The following PPP6R1 variants were observed in gnomAD, a reference collection of about 807,000 sequenced individuals.
The protein encoded by PPP6R1 is protein phosphatase 6 regulatory subunit 1.
In PPP6R1, 39 loss-of-function variants were observed where a neutral mutation model predicts 104.6. The observed-to-expected ratio is 0.37, with a 90% CI of 0.29 to 0.49. The LOEUF is 0.49. Ranked by LOEUF, PPP6R1 falls within the 20% of genes least tolerant of loss-of-function variation. PPP6R1 has a pLI of 0.98. For missense variants in PPP6R1, 1,181 were observed against 1,155.8 expected (o/e 1.02, Z -0.32); for synonymous variants, 549 against 479.0 (o/e 1.15, Z -1.91).
At chr19:55,233,484 C>G (rs2087367878) in intron 17 of PPP6R1, among the ~76,000 whole-genome samples, 1 of 152,150 alleles carries the variant, frequency 6.6e-6, no homozygotes, top group Admixed American at 6.5e-5. Flanking sequence ...TTAAAATCAT[C>G]CAGATTTGAA....
chr19:55,252,789 C>T (rs910361852), intron 1 of PPP6R1, among the ~76,000 whole-genome samples: 11 of 152,038 alleles, frequency 7.2e-5, no homozygotes, highest in African/African-American at 1.7e-4. Flanking sequence ...CTGCCTGCCT[C>T]GGCCTCCCAA....
Position 55,242,495 on chromosome 19 carries a change from C to G in PPP6R1, c.619-7G>C, listed in dbSNP as rs778060690. ...GGGATGCGTTGGAATGTTGCTGGAA[C>G]GGGGAGAGACAGGTGAGGATCCTGG... On this transcript the variant is annotated splice_region_variant and splice_polypyrimidine_tract_variant and intron_variant, in intron 5 of 23. Transcript: ENST00000412770. 2.5e-6 allele frequency: 4 copies of G among 1,609,504 alleles called. No individual in the cohort carries two copies. The highest frequency in any genetic ancestry group is 2.2e-5 in the South Asian group (2 of 90,988).
At chr19:55,256,633 G>A (rs553842877) in intron 1 of PPP6R1, among the ~76,000 whole-genome samples, 27 of 152,172 alleles carry the variant, frequency 1.8e-4, no homozygotes, top group Admixed American at 5.2e-4. Context: ...ACCACAGCAG[G>A]GCACCAGAGC....
Position 55,231,872 on chromosome 19 carries a change from G to T in PPP6R1, c.2236C>A (p.Leu746Ile). 6.7e-7 allele frequency: 1 copy of T among 1,503,422 alleles called. No homozygotes were observed. Among genetic ancestry groups the T allele is most frequent in the East Asian group, 2.4e-5 (1 of 42,550 alleles). The allele number at this position is 1,503,422 out of a possible 1,614,324, so 93.1% of individuals were successfully genotyped here. ...GTGGGGAGGCCCTGGGGCACACTGA[G>T]GGGCCCCTGTGGGGCTGGAGGCCCA... ...HTGPPAPQGP[L>I]SVPQGLPTQS... is the part of the protein sequence containing the mutation. The change falls in exon 19 of 24, where the codon CTC becomes ATC. Residue 746 changes from leucine (L) to isoleucine (I), a missense_variant. By Grantham distance (5) the Leu-to-Ile change is conservative. Transcript: ENST00000412770.
Position 55,245,712 on chromosome 19 carries a change from G to A in PPP6R1, c.228-34C>T. The A allele has an allele frequency of 1.3e-6, 2 of 1,556,704 alleles. No homozygotes were observed. Among genetic ancestry groups the A allele is most frequent in the Non-Finnish European group, 1.7e-6 (2 of 1,146,392 alleles). ...CAAGCACAGGCGGGTGGGGGCTCGG[G>A]TCGGAGGCCGGGGGCAGGGGGCGGC... On this transcript the variant is annotated intron_variant, in intron 2 of 23. Transcript: ENST00000412770. This position sits in a 1 kb window ranked among gnomAD's most constrained non-coding sequence, Gnocchi z 6.4.
At chr19:55,233,674 A>C (rs2087369575) in intron 17 of PPP6R1, among the ~76,000 whole-genome samples, 1 of 152,210 alleles carries the variant, frequency 6.6e-6, no homozygotes. Context: ...ATTTCAAGAA[A>C]ATTCCATTTA....
intron 1 of PPP6R1, among the ~76,000 whole-genome samples, chr19:55,254,539 G>A (rs1358948325): frequency 6.6e-6 from 1 of 152,042 alleles, no homozygotes; most frequent in Non-Finnish European, 1.5e-5. Context: ...CAGCTCTGCC[G>A]CCAGGGAACC....
At chr19:55,237,424 C>T (rs902951524) in intron 15 of PPP6R1, among the ~76,000 whole-genome samples, 3 of 152,128 alleles carry the variant, frequency 2.0e-5, no homozygotes, top group Non-Finnish European at 4.4e-5. Flanking sequence ...AAGATGTCTA[C>T]GGTCCGCGGC....
chr19:55,245,226 G>A lies in PPP6R1; in HGVS notation c.552+39C>T, dbSNP rs768505953. On this transcript the variant is annotated intron_variant, in intron 4 of 23. Transcript: ENST00000412770. This position sits in a 1 kb window ranked among gnomAD's most constrained non-coding sequence, Gnocchi z 6.4. ...CGAGGGATGCATCGCTGTCCACCAC[G>A]CCCAGCCCCCCACCCCCAGAGGAGC... 2.1e-5 allele frequency: 34 copies of A among 1,604,256 alleles called. No individual in the cohort carries two copies. The highest frequency in any genetic ancestry group is 1.7e-4 in the South Asian group (15 of 89,630).
chr19:55,239,103 C>T, intron 15 of PPP6R1: 1 of 394,400 alleles, frequency 2.5e-6, no homozygotes, highest in Non-Finnish European at 4.8e-6. Context: ...ACCCCTAAGG[C>T]TAGCTCCAGG....
intron 1 of PPP6R1, among the ~76,000 whole-genome samples, chr19:55,256,597 C>T (rs1023275135): frequency 1.3e-5 from 2 of 152,194 alleles, no homozygotes; most frequent in African/African-American, 4.8e-5. Flanking sequence ...ACTGCTTGAA[C>T]CCACGAGTTT....
chr19:55,251,339 G>T (rs149289736), intron 1 of PPP6R1, among the ~76,000 whole-genome samples: 114 of 152,280 alleles, frequency 7.5e-4, no homozygotes, highest in African/African-American at 2.4e-3. Context: ...ACGCTCACAA[G>T]TATTAGCTGA....
intron 1 of PPP6R1, among the ~76,000 whole-genome samples, chr19:55,257,249 T>A (rs1471661836): frequency 6.6e-6 from 1 of 152,244 alleles, no homozygotes; most frequent in African/African-American, 2.4e-5. Context: ...GAGTCCTTGC[T>A]GCATTTGCAG....
In PPP6R1 at chr19:55,240,003, C is replaced by T. The variant is rs1016389181; in HGVS notation, c.1473G>A (p.Leu491=). 42 of 1,604,486 alleles carry T rather than the reference C, an allele frequency of 2.6e-5. No homozygotes were observed. Among genetic ancestry groups the T allele is most frequent in the Non-Finnish European group, 3.5e-5 (41 of 1,176,240 alleles). Residue 491 remains leucine (L), a synonymous_variant, in exon 12 of 24, where the codon CTG becomes CTA. Coordinates refer to ENST00000412770, the MANE Select transcript of PPP6R1 (RefSeq NM_014931.4). ...GPNAEQLRQL[L]KELPSEQQEQ... is the part of the protein sequence containing the mutation. ...GGCCGGCCTGGGGACCCTCACCCTT[C>T]AGCAGCTGCCGCAGCTGCTCTGCAT...
chr19:55,253,199 C>T (rs186268484), intron 1 of PPP6R1, among the ~76,000 whole-genome samples: 77 of 152,374 alleles, frequency 5.1e-4, no homozygotes, highest in Non-Finnish European at 1.0e-3. Flanking sequence ...GGCTCCACAT[C>T]AAGACCAAGT....
intron 19 of PPP6R1, 41 bp from the exon 20 acceptor site, chr19:55,231,709 T>G (rs2087349075): frequency 6.5e-7 from 1 of 1,548,026 alleles, no homozygotes; most frequent in Admixed American, 2.0e-5. Context: ...CAGCTAGGGT[T>G]AGCACTCGAG....
At chr19:55,255,662 A>C (rs886409546) in intron 1 of PPP6R1, 2 of 152,326 alleles carry the variant, frequency 1.3e-5, no homozygotes, top group African/African-American at 4.8e-5. Context: ...CAAAGCTCTC[A>C]GGCCTCTCTC....
Position 55,245,379 on chromosome 19 carries a change from C to T in PPP6R1, c.438G>A (p.Lys146=), listed in dbSNP as rs779584348. The T allele has an allele frequency of 1.2e-6, 2 of 1,613,478 alleles. No individual in the cohort carries two copies. The highest frequency in any genetic ancestry group is 1.7e-4 in the Middle Eastern group (1 of 6,058). Residue 146 remains lysine, a synonymous_variant, in exon 4 of 24, where the codon AAG becomes AAA. Transcript: ENST00000412770. The surrounding 1 kb of genome is among the most constrained non-coding windows in gnomAD (Gnocchi z 6.4). Reference sequence around the variant, plus strand: ...GCAGCAGCAGGTCCACGAAGTCATCCTTCTTCCGAAGAAAGGACACGAGCT... The same window carrying T: ...GCAGCAGCAGGTCCACGAAGTCATCTTTCTTCCGAAGAAAGGACACGAGCT... ...TDQLVSFLRK[K]DDFVDLLLQH...
rs73619602 is a variant in PPP6R1 at position 55,230,541 on chromosome 19, G to A, written c.2643-10C>T. On this transcript the variant is annotated splice_polypyrimidine_tract_variant and intron_variant, in intron 23 of 23. Transcript: ENST00000412770. ...CGCACCAGGCAGCTATCTGGAAACA[G>A]AGGGAGATGTCGTGTGAGGGTCTAG... 3.4e-3 allele frequency: 5,497 copies of A among 1,613,578 alleles called. 186 individuals carry two copies. In the African/African-American group the frequency reaches 0.066, roughly 19 times the overall value.
Sources: gnomAD v4.1 joint callset for allele counts (sites outside exome capture counted in the v4.1 genomes callset) on GRCh38, gnomAD v4.1.1 for gene constraint, Gnocchi (gnomAD v3.1) non-coding constraint, MANE v1.5 for transcripts, NCBI Gene and HGNC (gene_info 2026-07-23, HGNC 2026-07-21) for gene names.